ZER1: variants seen among roughly 807,000 people sequenced by gnomAD.
The protein encoded by ZER1 is protein zer-1 homolog.
A neutral mutation model predicts 78.8 loss-of-function variants in ZER1; 11 were observed. The observed-to-expected ratio is 0.14, with a 90% CI of 0.09 to 0.23. The LOEUF is 0.23. ZER1 is among the 10% of genes least tolerant of loss of function. ZER1 has a pLI of 1.00. For missense variants in ZER1, 588 were observed against 996.9 expected, an observed-to-expected ratio of 0.59 and a Z score of 5.52; for synonymous variants, 400 against 407.0, an observed-to-expected ratio of 0.98 and a Z score of 0.21.
Position 128,752,846 on chromosome 9 carries a change from G to T in ZER1, c.750C>A (p.His250Gln), listed in dbSNP as rs1863724160. The T allele has an allele frequency of 1.2e-6, 2 of 1,613,286 alleles. No individual in the cohort carries two copies. Among genetic ancestry groups the T allele is most frequent in the Non-Finnish European group, 1.7e-6 (2 of 1,179,504 alleles). The change falls in exon 5 of 16, where the codon CAC becomes CAA. Residue 250 changes from histidine (H) to glutamine (Q), a missense_variant. By Grantham distance (24) the His-to-Gln change is conservative (BLOSUM62 0). This residue lies in a region of ZER1 where 406 missense variants were observed against 660.1 expected (regional missense o/e 0.62). Coordinates refer to ENST00000291900, the MANE Select transcript of ZER1 (RefSeq NM_006336.4). ...RVIVQLHKLR[H>Q]LDISRDRLSS... ...AGAGGCGGTCTCGGGAGATGTCCAG[G>T]TGTCTGAAGATTGGGGTAGGGGGTG...
rs771021525 is a variant in ZER1, at chr9:128,753,817, G to A, written c.301C>T (p.Arg101Cys). The A allele has an allele frequency of 6.4e-5, 102 of 1,590,512 alleles. No individual in the cohort carries two copies. Among genetic ancestry groups the A allele is most frequent in the South Asian group, 4.1e-4 (36 of 87,196 alleles). ...GGCGGGGCAGGTCTCACCTGCTTGC[G>A]GATGGCCTCCAGGTCCTGGTCCTGC... is the stretch of plus-strand genomic sequence containing the variant. ...LVQDQDLEAI[R>C]KQDLVELYLT... Residue 101 changes from arginine to cysteine, a missense_variant, in exon 3 of 16, where the codon CGC becomes TGC. Coordinates refer to ENST00000291900, the MANE Select transcript of ZER1 (RefSeq NM_006336.4). This position sits in a 1 kb window ranked among gnomAD's most constrained non-coding sequence, Gnocchi z 7.5.
chr9:128,750,169 G>A (rs966386467), intron 8 of ZER1, among the ~76,000 whole-genome samples: 1 of 152,248 alleles, frequency 6.6e-6, no homozygotes, highest in African/African-American at 2.4e-5. Flanking sequence ...AAATATGTGT[G>A]CATAGGCTAA....
chr9:128,755,989 CCAT>C lies in ZER1; in HGVS notation c.-94-333_-94-331del, dbSNP rs1863845260. Among the ~76,000 whole-genome samples, 1 of 152,196 alleles carries C rather than the reference CCAT, an allele frequency of 6.6e-6. No individual in the cohort carries two copies. Among genetic ancestry groups the C allele is most frequent in the South Asian group, 2.1e-4 (1 of 4,836 alleles). ...GTCTGAAGAGCTACACTGGGGTGTT[CCAT>C]GCTGTGCAGTACTTCCTAACCTGTA... On this transcript the variant is annotated intron_variant, in intron 1 of 15. Coordinates refer to ENST00000291900, the MANE Select transcript of ZER1 (RefSeq NM_006336.4). The surrounding 1 kb of genome is among the most constrained non-coding windows in gnomAD (Gnocchi z 5.6).
chr9:128,735,222 C>T, intron 14 of ZER1, 112 bp downstream of exon 14: 1 of 996,204 alleles, frequency 1.0e-6, no homozygotes, highest in Non-Finnish European at 1.5e-6. Context: ...TGCTCTGAGG[C>T]ACAAAAGCTG....
chr9:128,745,167 C>T (rs1323597004), intron 8 of ZER1, among the ~76,000 whole-genome samples: 1 of 149,258 alleles, frequency 6.7e-6, no homozygotes, highest in Non-Finnish European at 1.5e-5. Context: ...TTTGTACTGT[C>T]TGCAGGTTTA....
At chr9:128,749,696 A>G (rs1022984546) in intron 8 of ZER1, among the ~76,000 whole-genome samples, 1 of 150,730 alleles carries the variant, frequency 6.6e-6, no homozygotes, top group Admixed American at 6.6e-5. Flanking sequence ...AATCACTTGA[A>G]CCCGCCACTG....
intron 1 of ZER1, among the ~76,000 whole-genome samples, chr9:128,769,251 C>T (rs1864309983): frequency 6.6e-6 from 1 of 152,186 alleles, no homozygotes; most frequent in Non-Finnish European, 1.5e-5. Context: ...CTAAAACGAA[C>T]GGCTCTGAGG....
chr9:128,737,945 C>T (rs547123577), intron 13 of ZER1, among the ~76,000 whole-genome samples: 54 of 152,138 alleles, frequency 3.5e-4, no homozygotes, highest in African/African-American at 1.1e-3. Flanking sequence ...TCAGGTGATC[C>T]GCCTGCCTCA....
Position 128,755,329 on chromosome 9 carries a change from T to G in ZER1, c.158+79A>C, listed in dbSNP as rs1863821305. Reference sequence around the variant, plus strand: ...TTCATCTCCATAGCTACTCCCCACATAGTGCACACACGGTCCCAATCTCTC... The same window carrying G: ...TTCATCTCCATAGCTACTCCCCACAGAGTGCACACACGGTCCCAATCTCTC... On this transcript the variant is annotated intron_variant, in intron 2 of 15. Transcript: ENST00000291900. The surrounding 1 kb of genome is among the most constrained non-coding windows in gnomAD (Gnocchi z 5.6). 1 of 1,568,224 alleles carries G rather than the reference T, an allele frequency of 6.4e-7. No homozygotes were observed. Among genetic ancestry groups the G allele is most frequent in the African/African-American group, 1.3e-5 (1 of 74,230 alleles).
Position 128,752,686 on chromosome 9 carries a change from C to A in ZER1, c.910G>T (p.Ala304Ser). Residue 304 changes from alanine (A) to serine (S), a missense_variant, in exon 5 of 16, where the codon GCG (alanine) becomes TCG (serine). By Grantham distance (99) the Ala-to-Ser change is moderately conservative. Around this residue, in one of 3 missense-constraint regions of ZER1, gnomAD observed 406 missense variants for 660.1 expected, o/e 0.62. Transcript: ENST00000291900. The part of the protein sequence containing the change: ...NCSISKMEEE[A>S]GQTSIEPSKS... The stretch of plus-strand genomic sequence containing the variant: ...CTGGGGCCCCACCTGGTCTGCCCCG[C>A]TTCCTCTTCCATCTTGGAGATGCTG... The A allele has an allele frequency of 6.2e-7, 1 of 1,613,074 alleles. No individual in the cohort carries two copies. The highest frequency in any genetic ancestry group is 8.5e-7 in the Non-Finnish European group (1 of 1,179,492).
intron 5 of ZER1, 92 bp downstream of exon 5, chr9:128,752,581 A>G: frequency 7.1e-7 from 1 of 1,400,168 alleles, no homozygotes; most frequent in Non-Finnish European, 9.5e-7. Flanking sequence ...TTGGCTTCCC[A>G]AAGTGCTGGG....
intron 8 of ZER1, among the ~76,000 whole-genome samples, chr9:128,742,981 C>T (rs1262355643): frequency 6.6e-6 from 1 of 152,184 alleles, no homozygotes; most frequent in Non-Finnish European, 1.5e-5. Context: ...AAAGTGAACT[C>T]AATGTAACCA....
chr9:128,731,464 C>T (rs928994790), intron 15 of ZER1, 70 bp from the exon 16 acceptor site: 20 of 1,300,522 alleles, frequency 1.5e-5, no homozygotes, highest in Middle Eastern at 1.9e-4. Context: ...CCTCCGAGAT[C>T]ATTAGGCAGC....
rs1863270723 is a variant in ZER1, at chr9:128,740,964, T to A, written c.1738-77A>T. On this transcript the variant is annotated intron_variant, in intron 11 of 15. Coordinates refer to ENST00000291900, the MANE Select transcript of ZER1 (RefSeq NM_006336.4). The surrounding 1 kb of genome is among the most constrained non-coding windows in gnomAD (Gnocchi z 4.4). ...TATCTGGTATTGTTAACCAAAAAGC[T>A]TCATGGGCATCTGGCCATGCCAACT... 1.3e-6 allele frequency: 1 copy of A among 744,626 alleles called. No individual in the cohort carries two copies. Among genetic ancestry groups the A allele is most frequent in the African/African-American group, 1.7e-5 (1 of 57,746 alleles). 46.1% of individuals were successfully genotyped at this position (744,626 alleles called of 1,614,324 possible).
chr9:128,741,486 G>A (rs755477048), intron 11 of ZER1, 49 bp downstream of exon 11: 2 of 1,613,462 alleles, frequency 1.2e-6, no homozygotes, highest in Non-Finnish European at 8.5e-7. Context: ...ACAGAAGAGG[G>A]GCCATGTGGG....
At chr9:128,772,470 T>G (rs1365963891), upstream of ZER1, 1 of 152,310 alleles carries the variant, frequency 6.6e-6, no homozygotes, top group Non-Finnish European at 1.5e-5. Context: ...AAGGATCCTG[T>G]CAAACCAGTT....
chr9:128,744,229 C>T (rs1863408570), intron 8 of ZER1, among the ~76,000 whole-genome samples: 1 of 151,120 alleles, frequency 6.6e-6, no homozygotes, highest in Non-Finnish European at 1.5e-5. Flanking sequence ...GCTCTGTTGC[C>T]AAGCTGGAGT....
chr9:128,763,134 C>G (rs1245268893), intron 1 of ZER1, among the ~76,000 whole-genome samples: 2 of 152,218 alleles, frequency 1.3e-5, no homozygotes, highest in African/African-American at 4.8e-5. Context: ...ACTGCACTTT[C>G]TAATTTAAAT....
At chr9:128,772,169 G>C (rs1448343121), upstream of ZER1, among the ~76,000 whole-genome samples, 1 of 152,278 alleles carries the variant, frequency 6.6e-6, no homozygotes, top group African/African-American at 2.4e-5. Context: ...GGGACCCTAG[G>C]ATCGGTGCCC....
Sources: allele counts gnomAD v4.1 joint callset (sites outside exome capture counted in the v4.1 genomes callset), GRCh38; gene constraint gnomAD v4.1.1; regional missense constraint gnomAD v4.1.1; non-coding constraint Gnocchi (gnomAD v3.1); transcripts MANE v1.5; gene names NCBI Gene and HGNC (gene_info 2026-07-23, HGNC 2026-07-21).